Variants in CCDC170 observed in about 807,000 individuals in gnomAD.
CCDC170 encodes coiled-coil domain-containing protein 170.
CCDC170 carries 69 observed loss-of-function variants against 72.6 expected under a neutral mutation model. The observed-to-expected ratio is 0.95, with a 90% CI of 0.78 to 1.16. CCDC170 has a LOEUF of 1.16. Among genes scored for constraint, CCDC170 ranks in the 50% most tolerant of loss-of-function variants. CCDC170 has a pLI of 0.00. For missense variants in CCDC170, 852 were observed against 832.5 expected, an observed-to-expected ratio of 1.02 and a Z score of -0.29; for synonymous variants, 300 against 303.9, an observed-to-expected ratio of 0.99 and a Z score of 0.13.
chr6:151,557,825 A>G (rs1280167141), intron 5 of CCDC170, among the ~76,000 whole-genome samples: 2 of 152,124 alleles, frequency 1.3e-5, no homozygotes, highest in African/African-American at 4.8e-5. Flanking sequence ...CATTTTAAAA[A>G]CTTAACCTTT....
At chr6:151,583,054 G>T (rs533245471) in intron 6 of CCDC170, among the ~76,000 whole-genome samples, 1 of 141,354 alleles carries the variant, frequency 7.1e-6, no homozygotes, top group Non-Finnish European at 1.5e-5. Context: ...GTGCAATGGC[G>T]CAATCTCAGC....
At chr6:151,558,232 G>GTTTTT (rs55648936) in intron 5 of CCDC170, among the ~76,000 whole-genome samples, 112 of 70,814 alleles carry the variant, frequency 1.6e-3, no homozygotes, top group African/African-American at 2.8e-3. Flanking sequence ...TGAGATTAGT[G>GTTTTT]TTTTTTTTTT....
At chr6:151,534,799 C>T (rs1384012555) in intron 1 of CCDC170, among the ~76,000 whole-genome samples, 1 of 152,194 alleles carries the variant, frequency 6.6e-6, no homozygotes, top group Admixed American at 6.5e-5. Context: ...GCATTCATGA[C>T]TATATCAAAC....
intron 1 of CCDC170, among the ~76,000 whole-genome samples, chr6:151,524,876 T>C (rs1459197116): frequency 6.6e-6 from 1 of 152,166 alleles, no homozygotes; most frequent in East Asian, 1.9e-4. Flanking sequence ...AAAAACAGTA[T>C]GTTTTTGAGA....
intron 7 of CCDC170, among the ~76,000 whole-genome samples, chr6:151,590,668 A>G (rs1776521309): frequency 6.6e-6 from 1 of 152,250 alleles, no homozygotes; most frequent in African/African-American, 2.4e-5. Flanking sequence ...ATTTCTATGA[A>G]GTTAAAAGTT....
intron 5 of CCDC170, among the ~76,000 whole-genome samples, chr6:151,549,825 CTA>C (rs1278895820): frequency 6.6e-6 from 1 of 152,182 alleles, no homozygotes; most frequent in African/African-American, 2.4e-5. Flanking sequence ...ACTCTGCACA[CTA>C]TATGTTTCTC....
intron 8 of CCDC170, among the ~76,000 whole-genome samples, chr6:151,594,206 T>C (rs1176775221): frequency 6.6e-6 from 1 of 152,214 alleles, no homozygotes; most frequent in African/African-American, 2.4e-5. Context: ...AATGCTATGA[T>C]ACAATTCCAG....
intron 1 of CCDC170, among the ~76,000 whole-genome samples, chr6:151,528,329 G>C (rs1213242508): frequency 6.6e-6 from 1 of 152,118 alleles, no homozygotes; most frequent in East Asian, 1.9e-4. Flanking sequence ...AAAATTTTAT[G>C]AACTCCAGGA....
chr6:151,522,445 T>A (rs542819496), intron 1 of CCDC170, among the ~76,000 whole-genome samples: 2 of 152,302 alleles, frequency 1.3e-5, no homozygotes, highest in Admixed American at 6.5e-5. Flanking sequence ...CCACCCTGAC[T>A]CATTCCGATC....
chr6:151,541,883 TA>T (rs36068499), intron 3 of CCDC170, among the ~76,000 whole-genome samples: 86,618 of 136,834 alleles, frequency 0.63, 28,188 homozygotes, highest in East Asian at 0.74. Context: ...TATATATATA[TA>T]TATTTTTTTT....
At chr6:151,552,993 G>T (rs1200940376) in intron 5 of CCDC170, among the ~76,000 whole-genome samples, 2 of 151,538 alleles carry the variant, frequency 1.3e-5, no homozygotes, top group Non-Finnish European at 2.9e-5. Context: ...CACCATGTTG[G>T]CCAGGCTGGT....
At chr6:151,525,087 TG>T (rs1477248208) in intron 1 of CCDC170, among the ~76,000 whole-genome samples, 6 of 152,032 alleles carry the variant, frequency 3.9e-5, no homozygotes, top group Non-Finnish European at 8.8e-5. Flanking sequence ...TGCCCGCCAC[TG>T]CACCCAGCTA....
At chr6:151,613,781 G>A (rs1336208746) in intron 9 of CCDC170, among the ~76,000 whole-genome samples, 4 of 152,218 alleles carry the variant, frequency 2.6e-5, no homozygotes, top group South Asian at 4.1e-4. Flanking sequence ...TGGTGATTAC[G>A]AATAATGCTT....
At position 151,618,046 on chromosome 6, in the gene CCDC170, G is replaced by A. The variant is rs3734804; in HGVS notation, c.2047G>A (p.Val683Ile). ...YEIIKCLERL[V>I]HSHQHHFVTC... Reference sequence around the variant, plus strand: ...AATCATCAAGTGTCTTGAAAGATTGGTCCATTCACATCAGCATCACTTTGT... The same window carrying A: ...AATCATCAAGTGTCTTGAAAGATTGATCCATTCACATCAGCATCACTTTGT... The change falls in exon 11 of 11, where the codon GTC (valine) becomes ATC (isoleucine). Residue 683 changes from valine to isoleucine, a missense_variant. Coordinates refer to ENST00000239374, the MANE Select transcript of CCDC170 (RefSeq NM_025059.4). The A allele has an allele frequency of 0.52, 835,751 of 1,613,698 alleles. 221,088 individuals are homozygous for A. Among genetic ancestry groups the A allele is most frequent in the African/African-American group, 0.75 (56,337 of 74,928 alleles).
In CCDC170 at chr6:151,499,300, G is replaced by T. The variant is rs1038844404; in HGVS notation, c.57+5115G>T. Among the ~76,000 whole-genome samples, 15 of 118,800 alleles carry T rather than the reference G, an allele frequency of 1.3e-4. 1 individual carries two copies. Among genetic ancestry groups the T allele is most frequent in the African/African-American group, 2.0e-4 (5 of 24,978 alleles). 77.9% of individuals were successfully genotyped at this position (118,800 alleles called of 152,430 possible). A position where few individuals can be genotyped will look rare whatever the true frequency, so the allele number is the denominator to read the frequency against. On this transcript the variant is annotated intron_variant, in intron 1 of 10. Coordinates refer to ENST00000239374, the MANE Select transcript of CCDC170 (RefSeq NM_025059.4). ...TAGGCACACTGTATAAGTGGAATCA[G>T]ACTGTATTTGACTCTTCTAGGCACA... is the stretch of plus-strand genomic sequence containing the variant.
At chr6:151,538,558 T>A (rs1186861574) in intron 3 of CCDC170, among the ~76,000 whole-genome samples, 1 of 152,334 alleles carries the variant, frequency 6.6e-6, no homozygotes, top group African/African-American at 2.4e-5. Flanking sequence ...GGGCTGCAAA[T>A]GCTTATTTAC....
chr6:151,564,655 G>A (rs1776101631), intron 5 of CCDC170, among the ~76,000 whole-genome samples: 1 of 152,192 alleles, frequency 6.6e-6, no homozygotes, highest in South Asian at 2.1e-4. Context: ...TGTGCAGGTG[G>A]GTGCCATCTG....
At chr6:151,543,451 T>C (rs1224333837) in intron 3 of CCDC170, among the ~76,000 whole-genome samples, 1 of 152,168 alleles carries the variant, frequency 6.6e-6, no homozygotes, top group Non-Finnish European at 1.5e-5. Context: ...TTTTTTTGTG[T>C]GTGAACATTC....
intron 6 of CCDC170, among the ~76,000 whole-genome samples, chr6:151,579,377 T>A (rs1776349644): frequency 6.6e-6 from 1 of 152,162 alleles, no homozygotes; most frequent in South Asian, 2.1e-4. Context: ...AGAAAAAAAC[T>A]TAGTGGTGTC....
Sources: allele counts gnomAD v4.1 joint callset (sites outside exome capture counted in the v4.1 genomes callset), GRCh38; gene constraint gnomAD v4.1.1; transcripts MANE v1.5; gene names NCBI Gene and HGNC (gene_info 2026-07-23, HGNC 2026-07-21).